SGPP1: variants seen among roughly 807,000 people sequenced by gnomAD.
SGPP1 encodes sphingosine-1-phosphate phosphatase 1.
A neutral mutation model predicts 33.0 loss-of-function variants in SGPP1; 21 were observed. The observed-to-expected ratio is 0.64, with a 90% CI of 0.45 to 0.92. The LOEUF is 0.92. Ranked by LOEUF, SGPP1 falls within the 40% of genes least tolerant of loss-of-function variation. SGPP1 has a pLI of 0.00. For missense variants in SGPP1, 543 were observed against 589.4 expected (o/e 0.92, Z 0.81); for synonymous variants, 239 against 241.2 (o/e 0.99, Z 0.08).
chr14:63,720,142 A>C (rs1249172531), intron 1 of SGPP1, among the ~76,000 whole-genome samples: 1 of 151,088 alleles, frequency 6.6e-6, no homozygotes, highest in Non-Finnish European at 1.5e-5. Flanking sequence ...AAAAAAAAAA[A>C]ACATGCTGGG....
At chr14:63,699,728 GT>G (rs11346997) in intron 1 of SGPP1, among the ~76,000 whole-genome samples, 22,315 of 141,676 alleles carry the variant, frequency 0.16, 4,424 homozygotes, top group African/African-American at 0.47. Context: ...AGGCAGAGTT[GT>G]TTTTTTTTTT....
At chr14:63,712,788 G>A (rs1198429756) in intron 1 of SGPP1, among the ~76,000 whole-genome samples, 1 of 136,336 alleles carries the variant, frequency 7.3e-6, no homozygotes, top group Non-Finnish European at 1.6e-5. Flanking sequence ...CTGAGTAGCT[G>A]GGACTATAAT....
intron 1 of SGPP1, among the ~76,000 whole-genome samples, chr14:63,721,053 T>C (rs1885759976): frequency 6.6e-6 from 1 of 152,180 alleles, no homozygotes; most frequent in Non-Finnish European, 1.5e-5. Context: ...CAGCTAATTT[T>C]TGTATTTTTA....
chr14:63,709,288 C>A lies in SGPP1; in HGVS notation c.685-10630G>T, dbSNP rs560228458. 5.3e-5 allele frequency among the ~76,000 whole-genome samples: 8 copies of A among 151,710 alleles called. 1 individual carries two copies. The highest frequency in any genetic ancestry group is 1.9e-4 in the African/African-American group (8 of 41,356). Reference sequence around the variant, plus strand: ...ACTCGGGAGGCTGAGGCAGGAGAATCGCTTGAACCCAGGCGGCAGAGGTTG... The same window carrying A: ...ACTCGGGAGGCTGAGGCAGGAGAATAGCTTGAACCCAGGCGGCAGAGGTTG... On this transcript the variant is annotated intron_variant, in intron 1 of 2. Transcript: ENST00000247225.
chr14:63,724,472 T>A (rs1251494537), intron 1 of SGPP1, among the ~76,000 whole-genome samples: 2 of 151,986 alleles, frequency 1.3e-5, no homozygotes, highest in African/African-American at 4.8e-5. Flanking sequence ...CAGGCTTTCA[T>A]TATTTAATTC....
In SGPP1 at chr14:63,703,856, C is replaced by A. The variant is rs1477133381; in HGVS notation, c.685-5198G>T. Among the ~76,000 whole-genome samples the A allele has an allele frequency of 2.7e-5, 3 of 110,610 alleles. No homozygotes were observed. The South Asian group carries it at 9.0e-4, about 33-fold the overall frequency. 72.6% of individuals were successfully genotyped at this position (110,610 alleles called of 152,430 possible). On this transcript the variant is annotated intron_variant, in intron 1 of 2. Transcript: ENST00000247225. ...GGTGGGGAGTGGGGTCTCGCTTTAT[C>A]ACCCAGGCTGGAGTGCAATCTAGCA...
chr14:63,700,525 A>T (rs1325234518), intron 1 of SGPP1, among the ~76,000 whole-genome samples: 1 of 152,212 alleles, frequency 6.6e-6, no homozygotes, highest in African/African-American at 2.4e-5. Flanking sequence ...CCTTGGGAGA[A>T]TAATTATATT....
intron 2 of SGPP1, among the ~76,000 whole-genome samples, chr14:63,695,071 T>A (rs910559051): frequency 1.3e-5 from 2 of 152,160 alleles, no homozygotes; most frequent in African/African-American, 2.4e-5. Context: ...ATTTTATTTT[T>A]TTTGAGAGGG....
chr14:63,697,920 G>C (rs939769975), intron 2 of SGPP1, among the ~76,000 whole-genome samples: 1 of 152,140 alleles, frequency 6.6e-6, no homozygotes, highest in African/African-American at 2.4e-5. Context: ...ACTGGAAGTT[G>C]GCTACTAATT....
At chr14:63,705,042 G>A (rs1489505733) in intron 1 of SGPP1, among the ~76,000 whole-genome samples, 4 of 151,492 alleles carry the variant, frequency 2.6e-5, no homozygotes, top group African/African-American at 7.3e-5. Flanking sequence ...TGGGAGACTC[G>A]CTTGAACCCG....
At chr14:63,721,394 C>T (rs1023667878) in intron 1 of SGPP1, among the ~76,000 whole-genome samples, 18 of 149,404 alleles carry the variant, frequency 1.2e-4, no homozygotes. Context: ...TAGTGAGCCA[C>T]GATCATGCCA....
chr14:63,725,861 A>G (rs1285047311), intron 1 of SGPP1, among the ~76,000 whole-genome samples: 1 of 152,236 alleles, frequency 6.6e-6, no homozygotes, highest in Admixed American at 6.5e-5. Context: ...CGAAAATAAG[A>G]GAAACATCAT....
intron 1 of SGPP1, among the ~76,000 whole-genome samples, chr14:63,705,738 G>A (rs1407585469): frequency 6.6e-6 from 1 of 152,122 alleles, no homozygotes; most frequent in African/African-American, 2.4e-5. Context: ...ACTCCACTAG[G>A]ATAGCTATAA....
At chr14:63,709,808 C>A (rs1285946150) in intron 1 of SGPP1, among the ~76,000 whole-genome samples, 1 of 152,126 alleles carries the variant, frequency 6.6e-6, no homozygotes, top group East Asian at 1.9e-4. Context: ...CTAATCTTTT[C>A]ACTGCACATC....
chr14:63,691,361 A>C (rs1885091958), intron 2 of SGPP1, among the ~76,000 whole-genome samples: 1 of 152,242 alleles, frequency 6.6e-6, no homozygotes, highest in Non-Finnish European at 1.5e-5. Flanking sequence ...ATTTAATGCC[A>C]GATCCCAAAA....
At chr14:63,691,957 G>GA (rs959042520) in intron 2 of SGPP1, among the ~76,000 whole-genome samples, 2 of 149,152 alleles carry the variant, frequency 1.3e-5, no homozygotes, top group African/African-American at 2.5e-5. Context: ...AAAAGAGAAA[G>GA]AAAAAAAAAG....
intron 1 of SGPP1, among the ~76,000 whole-genome samples, chr14:63,721,643 T>C (rs1885773097): frequency 6.6e-6 from 1 of 152,230 alleles, no homozygotes; most frequent in Non-Finnish European, 1.5e-5. Context: ...TGACCTACTT[T>C]TGTAACTCTT....
intron 1 of SGPP1, among the ~76,000 whole-genome samples, chr14:63,715,124 C>G (rs1466079563): frequency 2.0e-5 from 3 of 150,900 alleles, no homozygotes; most frequent in African/African-American, 7.3e-5. Context: ...AAGTGATTCT[C>G]CGCCTCAGCC....
intron 1 of SGPP1, among the ~76,000 whole-genome samples, chr14:63,712,880 G>A: frequency 7.8e-6 from 1 of 128,550 alleles, no homozygotes; most frequent in Non-Finnish European, 1.6e-5. Context: ...TCGTGCCATT[G>A]TACTCCAGCC....
Sources: gnomAD v4.1 joint callset for allele counts (sites outside exome capture counted in the v4.1 genomes callset) on GRCh38, gnomAD v4.1.1 for gene constraint, MANE v1.5 for transcripts, NCBI Gene and HGNC (gene_info 2026-07-23, HGNC 2026-07-21) for gene names.